The following LHX9 variants were observed in gnomAD, a reference collection of about 807,000 sequenced individuals.
LHX9 encodes the protein LIM homeobox 9.
In LHX9, 9 loss-of-function variants were observed where a neutral mutation model predicts 36.5. The observed-to-expected ratio is 0.25, with a 90% CI of 0.15 to 0.43. The LOEUF (loss-of-function observed/expected upper bound fraction) is 0.43, where lower values mean the gene tolerates loss of function less well. Ranked by LOEUF, LHX9 falls within the 20% of genes least tolerant of loss-of-function variation. LHX9 has a pLI of 1.00. For synonymous variants in LHX9, 211 were observed against 212.1 expected, an observed-to-expected ratio of 0.99 and a Z score of 0.04; for missense variants, 464 against 526.4, an observed-to-expected ratio of 0.88 and a Z score of 1.16.
chr1:197,918,667 A>G (rs746974247), intron 1 of LHX9: 1 of 425,228 alleles, frequency 2.4e-6, no homozygotes. Context: ...AAACGCATGA[A>G]CTTTATAACC....
At chr1:197,925,266 A>G (rs952012496) in intron 3 of LHX9, among the ~76,000 whole-genome samples, 1 of 152,232 alleles carries the variant, frequency 6.6e-6, no homozygotes, top group East Asian at 1.9e-4. Flanking sequence ...ATTTCATTAA[A>G]TCTTACTACA....
At position 197,927,811 on chromosome 1, in the gene LHX9, T is replaced by C. The variant is rs757112381; in HGVS notation, c.936+18T>C. On this transcript the variant is annotated intron_variant, in intron 4 of 4. Transcript: ENST00000367387. The stretch of plus-strand genomic sequence containing the variant: ...TTTTGCAGGTAAGACACATGCATCA[T>C]TGACTGTGCATACATTTCCCTTCCC... 1.2e-6 allele frequency: 2 copies of C among 1,600,988 alleles called. No individual in the cohort carries two copies. Among genetic ancestry groups the C allele is most frequent in the Non-Finnish European group, 1.7e-6 (2 of 1,167,996 alleles).
At chr1:197,915,731 T>C (rs1197003683), upstream of LHX9, 1 of 152,200 alleles carries the variant, frequency 6.6e-6, no homozygotes, top group African/African-American at 2.4e-5. Context: ...AAGAGGTCAC[T>C]CCAGGAGCCT....
Position 197,929,153 on chromosome 1 carries a change from C to T in LHX9, c.1088C>T (p.Thr363Ile). The T allele has an allele frequency of 6.2e-7, 1 of 1,613,212 alleles. No individual in the cohort carries two copies. The highest frequency in any genetic ancestry group is 8.5e-7 in the Non-Finnish European group (1 of 1,179,762). ...LTPPGTATTL[T>I]DLTNPTITVV... ...CCACCCGGCACTGCGACCACTTTAACAGACCTGACCAATCCCACTATCACT... is the reference window on the plus strand; with the variant it reads ...CCACCCGGCACTGCGACCACTTTAATAGACCTGACCAATCCCACTATCACT... Residue 363 changes from threonine to isoleucine, a missense_variant, in exon 5 of 5, where the codon ACA becomes ATA. By Grantham distance (89) the Thr-to-Ile change is moderately conservative (BLOSUM62 -1). Transcript: ENST00000367387.
chr1:197,924,588 AT>A (rs1211470801), intron 3 of LHX9, among the ~76,000 whole-genome samples: 8 of 152,352 alleles, frequency 5.3e-5, no homozygotes, highest in African/African-American at 1.7e-4. Context: ...TATTTGTGTA[AT>A]TTAAACATTA....
At chr1:197,926,431 A>G (rs1660143081) in intron 3 of LHX9, among the ~76,000 whole-genome samples, 1 of 152,224 alleles carries the variant, frequency 6.6e-6, no homozygotes, top group South Asian at 2.1e-4. Flanking sequence ...ATGCTCTTTA[A>G]TTTGTGAAGT....
intron 2 of LHX9, 127 bp downstream of exon 2, chr1:197,920,301 C>A: frequency 1.3e-6 from 1 of 791,420 alleles, no homozygotes; most frequent in Non-Finnish European, 2.1e-6. Flanking sequence ...TTTCGGAGAC[C>A]AGGCAAACCC....
At chr1:197,928,504 G>A (rs768820635) in intron 4 of LHX9, among the ~76,000 whole-genome samples, 2 of 152,118 alleles carry the variant, frequency 1.3e-5, no homozygotes, top group Non-Finnish European at 2.9e-5. Context: ...TGTGGCCCTG[G>A]GAGTTTTTTC....
At chr1:197,925,351 A>G (rs993072063) in intron 3 of LHX9, among the ~76,000 whole-genome samples, 1 of 152,178 alleles carries the variant, frequency 6.6e-6, no homozygotes, top group African/African-American at 2.4e-5. Context: ...ATTTCTATAT[A>G]TTACCTTGGT....
At position 197,926,803 on chromosome 1, in the gene LHX9, G is replaced by A. The variant is rs577157522; in HGVS notation, c.734-788G>A. Reference sequence around the variant, plus strand: ...GCTTCAGGCGTGAACCGTGTGAAGGGAAGTCTGGGCTCATTCTCTTTCAGA... The same window carrying A: ...GCTTCAGGCGTGAACCGTGTGAAGGAAAGTCTGGGCTCATTCTCTTTCAGA... On this transcript the variant is annotated intron_variant, in intron 3 of 4. Coordinates refer to ENST00000367387, the MANE Select transcript of LHX9 (RefSeq NM_020204.3). Among the ~76,000 whole-genome samples the A allele has an allele frequency of 5.7e-4, 87 of 152,306 alleles. 1 individual carries two copies. Among genetic ancestry groups the A allele is most frequent in the Non-Finnish European group, 1.1e-3 (74 of 68,030 alleles).
At chr1:197,913,332 A>C (rs1171273988), upstream of LHX9, among the ~76,000 whole-genome samples, 1 of 152,190 alleles carries the variant, frequency 6.6e-6, no homozygotes, top group African/African-American at 2.4e-5. Flanking sequence ...AAAGGCTGGC[A>C]AGGGTGCGCA....
chr1:197,918,260 G>C, intron 1 of LHX9: 1 of 715,882 alleles, frequency 1.4e-6, no homozygotes, highest in Non-Finnish European at 2.6e-6. Flanking sequence ...GAGGTGGGAT[G>C]GGGGGTGGTG....
chr1:197,923,495 C>CAGAG (rs148599324), intron 3 of LHX9, among the ~76,000 whole-genome samples: 32,292 of 147,506 alleles, frequency 0.22, 3,624 homozygotes, highest in African/African-American at 0.26. Flanking sequence ...CCCTAATTCC[C>CAGAG]AGAGAGAGAG....
intron 2 of LHX9, among the ~76,000 whole-genome samples, 175 bp downstream of exon 2, chr1:197,920,349 C>A (rs1180711576): frequency 2.6e-5 from 2 of 75,868 alleles, no homozygotes; most frequent in African/African-American, 1.0e-4. Context: ...CCCTGACCGA[C>A]GGTGAGGGTG....
Position 197,935,245 on chromosome 1 carries a change from T to A in LHX9, c.*5986T>A, listed in dbSNP as rs1205801307. The A allele has an allele frequency of 6.6e-6, 1 of 152,188 alleles. No individual in the cohort carries two copies. Among genetic ancestry groups the A allele is most frequent in the East Asian group, 1.9e-4 (1 of 5,198 alleles). The allele number at this position is 152,188 out of a possible 1,614,324, so 9.4% of individuals were successfully genotyped here. A position where few individuals can be genotyped will look rare whatever the true frequency, so the allele number is the denominator to read the frequency against. Reference sequence around the variant, plus strand: ...TTTTGCTTCTTTGCATTACATTTTATCTTGTGCTAAGATAACAAAAAGCAA... The same window carrying A: ...TTTTGCTTCTTTGCATTACATTTTAACTTGTGCTAAGATAACAAAAAGCAA... On this transcript the variant is annotated 3_prime_UTR_variant, in exon 5 of 5. Coordinates refer to ENST00000367387, the MANE Select transcript of LHX9 (RefSeq NM_020204.3).
At chr1:197,924,645 A>C (rs961440755) in intron 3 of LHX9, among the ~76,000 whole-genome samples, 1 of 152,188 alleles carries the variant, frequency 6.6e-6, no homozygotes, top group Non-Finnish European at 1.5e-5. Context: ...TCCTTTCCTT[A>C]AGCCCTTTCT....
rs774513628 is a variant in LHX9 at position 197,927,661 on chromosome 1, G to A, written c.804G>A (p.Lys268=). Residue 268 remains lysine, a synonymous_variant, in exon 4 of 5, where the codon AAG becomes AAA. Coordinates refer to ENST00000367387, the MANE Select transcript of LHX9 (RefSeq NM_020204.3). The part of the protein sequence containing the change: ...QQPYPPSQKT[K]RMRTSFKHHQ... The stretch of plus-strand genomic sequence containing the variant: ...CTTATCCACCCTCGCAGAAGACCAA[G>A]CGCATGCGAACCTCTTTCAAGCATC... 7 of 1,614,018 alleles carry A rather than the reference G, an allele frequency of 4.3e-6. No homozygotes were observed.
Position 197,929,135 on chromosome 1 carries a change from G to GCACTGC in LHX9, c.1071_1076dup (p.Ala359_Thr360dup). 1 of 1,613,534 alleles carries GCACTGC rather than the reference G, an allele frequency of 6.2e-7. No individual in the cohort carries two copies. The highest frequency in any genetic ancestry group is 1.1e-5 in the South Asian group (1 of 91,034). On this transcript the variant is annotated inframe_insertion, in exon 5 of 5. Coordinates refer to ENST00000367387, the MANE Select transcript of LHX9 (RefSeq NM_020204.3). ...GACAGCGGAGCTCTCACTCCACCCG[G>GCACTGC]CACTGCGACCACTTTAACAGACCTG... is the stretch of plus-strand genomic sequence containing the variant.
chr1:197,917,289 G>A (rs1174082140), upstream of LHX9: 16 of 1,228,056 alleles, frequency 1.3e-5, no homozygotes, highest in South Asian at 7.6e-5. Context: ...TGGCAGCTCC[G>A]GGGAGAGAAC....
Sources: gnomAD v4.1 joint callset for allele counts (sites outside exome capture counted in the v4.1 genomes callset) on GRCh38, gnomAD v4.1.1 for gene constraint, MANE v1.5 for transcripts, NCBI Gene and HGNC (gene_info 2026-07-23, HGNC 2026-07-21) for gene names.